The following ACO1 variants were observed in gnomAD, a reference collection of about 807,000 sequenced individuals.
ACO1 encodes cytoplasmic aconitate hydratase.
A neutral mutation model predicts 105.1 loss-of-function variants in ACO1; 78 were observed. The observed-to-expected ratio is 0.74, with a 90% CI of 0.62 to 0.90. ACO1 has a LOEUF of 0.90. Ranked by LOEUF, ACO1 falls within the 40% of genes least tolerant of loss-of-function variation. The probability of loss-of-function intolerance (pLI) is 0.00; values close to 1 mark genes in which losing one functional copy is unlikely to be tolerated. For missense variants in ACO1, 965 were observed against 1,111.1 expected (o/e 0.87, Z 1.87); for synonymous variants, 364 against 397.4 (o/e 0.92, Z 1.00).
At chr9:32,412,739 G>A (rs561569527) in intron 4 of ACO1, among the ~76,000 whole-genome samples, 31 of 152,134 alleles carry the variant, frequency 2.0e-4, no homozygotes, top group Non-Finnish European at 3.8e-4. Flanking sequence ...GTTTCAAATG[G>A]AAGAGTTTAA....
chr9:32,445,633 A>G, intron 19 of ACO1: 1 of 257,556 alleles, frequency 3.9e-6, no homozygotes, highest in South Asian at 3.1e-5. Context: ...CTTTGATCTT[A>G]GTTATTTCTT....
In ACO1 at chr9:32,421,014, C is replaced by T. The variant is rs753972586; in HGVS notation, c.957C>T (p.Tyr319=). The T allele has an allele frequency of 6.2e-7, 1 of 1,614,010 alleles. No individual in the cohort carries two copies. Among genetic ancestry groups the T allele is most frequent in the East Asian group, 2.2e-5 (1 of 44,872 alleles). ...FFPVDEVSIT[Y]LVQTGRDEEK... is the part of the protein sequence containing the mutation. The stretch of plus-strand genomic sequence containing the variant: ...CAGTTGATGAAGTTAGTATCACGTA[C>T]CTGGTGCAAACAGGTAAGTGAAGGG... The change falls in exon 8 of 21, where the codon TAC becomes TAT. Residue 319 remains tyrosine (Y), a synonymous_variant. Coordinates refer to ENST00000309951, the MANE Select transcript of ACO1 (RefSeq NM_002197.3).
intron 1 of ACO1, among the ~76,000 whole-genome samples, chr9:32,397,145 T>C (rs1050772770): frequency 6.6e-6 from 1 of 152,212 alleles, no homozygotes. Context: ...TGTTCCTTTC[T>C]GTAGCATATG....
At chr9:32,399,778 C>T (rs1587515509) in intron 1 of ACO1, among the ~76,000 whole-genome samples, 1 of 149,180 alleles carries the variant, frequency 6.7e-6, no homozygotes, top group Non-Finnish European at 1.5e-5. Flanking sequence ...TGAAAAAAAG[C>T]AATTAGCAAA....
chr9:32,385,285 A>AT (rs1821134968), intron 1 of ACO1, among the ~76,000 whole-genome samples: 1 of 152,170 alleles, frequency 6.6e-6, no homozygotes, highest in African/African-American at 2.4e-5. Context: ...TGACCAAGTC[A>AT]TTTTTTTCTA....
At chr9:32,436,217 C>G in intron 17 of ACO1, 33 bp from the exon 18 acceptor site, 1 of 1,613,318 alleles carries the variant, frequency 6.2e-7, no homozygotes, top group Non-Finnish European at 8.5e-7. Flanking sequence ...GCTTGCTTCA[C>G]TAAGCCAGCT....
chr9:32,433,912 T>C, intron 16 of ACO1, 80 bp downstream of exon 16: 1 of 1,176,338 alleles, frequency 8.5e-7, no homozygotes, highest in Non-Finnish European at 1.2e-6. Flanking sequence ...TACCCCATGC[T>C]CTTGCTTTGA....
intron 19 of ACO1, among the ~76,000 whole-genome samples, chr9:32,447,778 G>A (rs548249593): frequency 5.3e-5 from 8 of 152,272 alleles, no homozygotes; most frequent in Non-Finnish European, 8.8e-5. Context: ...GGTTGATGTT[G>A]ATACTATTAC....
intron 4 of ACO1, 108 bp downstream of exon 4, chr9:32,408,759 T>A: frequency 3.8e-6 from 5 of 1,325,656 alleles, no homozygotes; most frequent in Non-Finnish European, 5.0e-6. Context: ...CTTTCAAAGA[T>A]ATCTTCTGAA....
At chr9:32,406,938 A>G (rs1346764763) in intron 2 of ACO1, among the ~76,000 whole-genome samples, 1 of 152,068 alleles carries the variant, frequency 6.6e-6, no homozygotes, top group Non-Finnish European at 1.5e-5. Context: ...CACACGCCAC[A>G]ATGCCCAGCT....
intron 18 of ACO1, among the ~76,000 whole-genome samples, chr9:32,437,138 C>T (rs1822379000): frequency 6.6e-6 from 1 of 152,208 alleles, no homozygotes; most frequent in African/African-American, 2.4e-5. Flanking sequence ...GCTAATATGT[C>T]TATGGCACTT....
At chr9:32,444,277 A>G (rs577703776) in intron 19 of ACO1, among the ~76,000 whole-genome samples, 12 of 152,334 alleles carry the variant, frequency 7.9e-5, no homozygotes, top group South Asian at 4.1e-4. Context: ...CAATGCCACA[A>G]TAAACATACG....
intron 15 of ACO1, 115 bp downstream of exon 15, chr9:32,431,958 T>G: frequency 3.2e-6 from 4 of 1,248,138 alleles, no homozygotes; most frequent in Non-Finnish European, 4.3e-6. Context: ...AAAGTAACAT[T>G]TATTTCTTCA....
chr9:32,393,216 T>C (rs999921970), intron 1 of ACO1, among the ~76,000 whole-genome samples: 1 of 152,192 alleles, frequency 6.6e-6, no homozygotes, highest in East Asian at 1.9e-4. Context: ...ATGGGAGAAA[T>C]ATCGCTGAAT....
At chr9:32,438,592 G>A (rs181854497) in intron 18 of ACO1, among the ~76,000 whole-genome samples, 6 of 152,246 alleles carry the variant, frequency 3.9e-5, no homozygotes, top group Admixed American at 2.0e-4. Context: ...TAATTAATGG[G>A]TAAGGACATA....
chr9:32,428,281 CAA>C (rs199515069), intron 12 of ACO1, among the ~76,000 whole-genome samples: 32 of 110,578 alleles, frequency 2.9e-4, no homozygotes, highest in African/African-American at 4.2e-4. Context: ...GACCCTGTCT[CAA>C]AAAAAAAAAA....
intron 9 of ACO1, among the ~76,000 whole-genome samples, chr9:32,424,298 GTTCT>G (rs1442115664): frequency 6.6e-6 from 1 of 152,196 alleles, no homozygotes; most frequent in Non-Finnish European, 1.5e-5. Flanking sequence ...CACCCACCCT[GTTCT>G]TTCTGAGAGG....
intron 4 of ACO1, among the ~76,000 whole-genome samples, 166 bp from the exon 5 acceptor site, chr9:32,417,962 C>T (rs1370039994): frequency 6.6e-6 from 1 of 152,202 alleles, no homozygotes; most frequent in African/African-American, 2.4e-5. Flanking sequence ...TTTACTTTCA[C>T]TAGTTACCTC....
chr9:32,436,168 G>T lies in ACO1; in HGVS notation c.2100-82G>T, dbSNP rs753716284. ...CCAGGTCTATGTTTTGTTTTGTTTT[G>T]TTTTTTTCTTTTCTTGGTGTAAGCT... On this transcript the variant is annotated intron_variant, in intron 17 of 20. Transcript: ENST00000309951. 3.2e-6 allele frequency: 5 copies of T among 1,571,670 alleles called. No individual in the cohort carries two copies. The South Asian group carries it at 5.6e-5, about 17-fold the overall frequency.
Sources: gnomAD v4.1 joint callset for allele counts (sites outside exome capture counted in the v4.1 genomes callset) on GRCh38, gnomAD v4.1.1 for gene constraint, MANE v1.5 for transcripts, NCBI Gene and HGNC (gene_info 2026-07-23, HGNC 2026-07-21) for gene names.